The following PANX1 variants were observed in gnomAD, a reference collection of about 807,000 sequenced individuals.
PANX1 encodes pannexin 1, also known as pannexin-1.
A neutral mutation model predicts 38.7 loss-of-function variants in PANX1; 30 were observed. The ratio of observed to expected loss-of-function variants is 0.78; its 90% CI spans 0.58 to 1.05. PANX1 has a LOEUF of 1.05. PANX1 is among the 50% of genes least tolerant of loss of function. PANX1 has a pLI of 0.00. For missense variants in PANX1, 551 were observed against 517.2 expected (o/e 1.07, Z -0.63); for synonymous variants, 230 against 212.2 (o/e 1.08, Z -0.73).
intron 2 of PANX1, among the ~76,000 whole-genome samples, chr11:94,166,655 T>G (rs1052680011): frequency 3.9e-5 from 6 of 152,234 alleles, no homozygotes; most frequent in Non-Finnish European, 8.8e-5. Flanking sequence ...GGGTTGAGTC[T>G]TCTTTGTGTC....
rs1460692445 is a variant in PANX1, at chr11:94,180,937, C to T, written c.*68C>T. 5 of 902,636 alleles carry T rather than the reference C, an allele frequency of 5.5e-6. No individual in the cohort carries two copies. The highest frequency in any genetic ancestry group is 2.4e-5 in the East Asian group (1 of 41,220). The allele number at this position is 902,636 out of a possible 1,614,324, so 55.9% of individuals were successfully genotyped here. ...TGGGATTTAATTTGGCTAAAGCACC[C>T]CTGTTGGTTTCACAGCTGGTTTGCA... On this transcript the variant is annotated 3_prime_UTR_variant, in exon 5 of 5. Coordinates refer to ENST00000227638, the MANE Select transcript of PANX1 (RefSeq NM_015368.4).
At position 94,168,850 on chromosome 11, in the gene PANX1, C is replaced by A. The variant is rs76709721; in HGVS notation, c.322-9519C>A. On this transcript the variant is annotated intron_variant, in intron 2 of 4. Coordinates refer to ENST00000227638, the MANE Select transcript of PANX1 (RefSeq NM_015368.4). ...GCATCTTTTCTAAGACTCAGGGCAT[C>A]TTTTCTAAGATACGGAAGTAACAAG... Among the ~76,000 whole-genome samples, 855 of 151,638 alleles carry A rather than the reference C, an allele frequency of 5.6e-3. 2 individuals are homozygous for A. The highest frequency in any genetic ancestry group is 9.5e-3 in the Admixed American group (145 of 15,282).
chr11:94,175,836 C>A (rs1357044583), intron 2 of PANX1: 2 of 984,640 alleles, frequency 2.0e-6, no homozygotes, highest in African/African-American at 1.8e-5. Context: ...TGGGTTAATA[C>A]TTTTGAAACA....
At chr11:94,167,867 G>A (rs893539952) in intron 2 of PANX1, among the ~76,000 whole-genome samples, 2 of 152,256 alleles carry the variant, frequency 1.3e-5, no homozygotes, top group Non-Finnish European at 2.9e-5. Flanking sequence ...GAAGAAGGCA[G>A]TGAGAGGGAA....
intron 3 of PANX1, 98 bp from the exon 4 acceptor site, chr11:94,179,504 T>G: frequency 2.4e-6 from 2 of 840,928 alleles, no homozygotes; most frequent in Non-Finnish European, 3.8e-6. Context: ...TATGGGTGTT[T>G]GAAATTTTTA....
chr11:94,138,176 G>A (rs987594321), intron 1 of PANX1, among the ~76,000 whole-genome samples: 14 of 152,038 alleles, frequency 9.2e-5, no homozygotes, highest in Non-Finnish European at 1.6e-4. Flanking sequence ...ACTTCTCCCC[G>A]CAGCTGAAGG....
At chr11:94,158,135 T>G (rs1946977658) in intron 2 of PANX1, among the ~76,000 whole-genome samples, 1 of 152,248 alleles carries the variant, frequency 6.6e-6, no homozygotes. Context: ...CATGCTGTTT[T>G]GGTTACTGCT....
chr11:94,147,794 G>T (rs1295535636), intron 1 of PANX1, among the ~76,000 whole-genome samples: 1 of 152,190 alleles, frequency 6.6e-6, no homozygotes, highest in East Asian at 1.9e-4. Flanking sequence ...TCTGGTGAGG[G>T]CAGTGCTGTC....
At chr11:94,172,518 A>G (rs980724966) in intron 2 of PANX1, among the ~76,000 whole-genome samples, 2 of 151,820 alleles carry the variant, frequency 1.3e-5, no homozygotes, top group Non-Finnish European at 2.9e-5. Flanking sequence ...TGCTTGAGCC[A>G]AATCAGTCCA....
chr11:94,140,224 A>C (rs115537231), intron 1 of PANX1, among the ~76,000 whole-genome samples: 2,378 of 152,360 alleles, frequency 0.016, 71 homozygotes, highest in African/African-American at 0.055. Context: ...TGCTCACTGC[A>C]TCAGCCCCAG....
chr11:94,158,640 G>A (rs577995182), intron 2 of PANX1, among the ~76,000 whole-genome samples: 3 of 152,308 alleles, frequency 2.0e-5, no homozygotes, highest in East Asian at 1.9e-4. Context: ...AGCTTAAGGA[G>A]ATTTTGGGCT....
intron 2 of PANX1, among the ~76,000 whole-genome samples, chr11:94,159,864 T>TAAA (rs1357486195): frequency 6.6e-6 from 1 of 151,980 alleles, no homozygotes; most frequent in Non-Finnish European, 1.5e-5. Flanking sequence ...TGTGGGCATT[T>TAAA]AGTGCTCTAA....
chr11:94,160,476 G>T (rs1022715405), intron 2 of PANX1, among the ~76,000 whole-genome samples: 3 of 152,156 alleles, frequency 2.0e-5, no homozygotes, highest in African/African-American at 7.2e-5. Flanking sequence ...TTCACATTAT[G>T]TAATGGCCTT....
chr11:94,140,439 TC>T (rs1946748342), intron 1 of PANX1, among the ~76,000 whole-genome samples: 1 of 152,388 alleles, frequency 6.6e-6, no homozygotes, highest in African/African-American at 2.4e-5. Context: ...TTTACAGTGC[TC>T]ATTTTTTTGC....
chr11:94,130,431 A>G (rs897292289), intron 1 of PANX1, among the ~76,000 whole-genome samples: 19 of 152,212 alleles, frequency 1.2e-4, no homozygotes, highest in Non-Finnish European at 1.8e-4. Context: ...GCAGGAGGAT[A>G]AGTCAGAGTT....
chr11:94,164,017 T>C (rs1591520299), intron 2 of PANX1, among the ~76,000 whole-genome samples: 1 of 152,290 alleles, frequency 6.6e-6, no homozygotes, highest in East Asian at 1.9e-4. Flanking sequence ...TTTATTGGCA[T>C]ATCGTTGCTC....
At chr11:94,141,814 G>A (rs1946764840) in intron 1 of PANX1, among the ~76,000 whole-genome samples, 1 of 152,114 alleles carries the variant, frequency 6.6e-6, no homozygotes, top group Non-Finnish European at 1.5e-5. Context: ...TAGCCTCCTT[G>A]TCAGTAAATG....
intron 2 of PANX1, among the ~76,000 whole-genome samples, chr11:94,170,259 G>C (rs951110685): frequency 4.6e-5 from 7 of 151,250 alleles, no homozygotes; most frequent in African/African-American, 1.7e-4. Context: ...TCTGTTTTCT[G>C]TCTCTCTGCA....
At chr11:94,159,075 A>G (rs1371388736) in intron 2 of PANX1, among the ~76,000 whole-genome samples, 1 of 152,250 alleles carries the variant, frequency 6.6e-6, no homozygotes, top group Admixed American at 6.5e-5. Flanking sequence ...ATGTTGAACC[A>G]GCCTTGCATC....
Sources: gnomAD v4.1 joint callset for allele counts (sites outside exome capture counted in the v4.1 genomes callset) on GRCh38, gnomAD v4.1.1 for gene constraint, MANE v1.5 for transcripts, NCBI Gene and HGNC (gene_info 2026-07-23, HGNC 2026-07-21) for gene names.